The following RUNX3 variants were observed in gnomAD, a reference collection of about 807,000 sequenced individuals.
RUNX3 encodes the protein RUNX family transcription factor 3, also known as runt-related transcription factor 3.
A neutral mutation model predicts 27.7 loss-of-function variants in RUNX3; 10 were observed. That is an observed-to-expected ratio of 0.36 (90% CI 0.22 to 0.61). The LOEUF is 0.61. RUNX3 is among the 20% of genes least tolerant of loss of function. The pLI, the probability that RUNX3 is intolerant of heterozygous loss-of-function variation, is 0.72. For missense variants in RUNX3, 469 were observed against 629.5 expected (o/e 0.75, Z 2.73); for synonymous variants, 270 against 269.2 (o/e 1.00, Z -0.03).
chr1:24,929,529 A>G, intron 1 of RUNX3, 58 bp downstream of exon 1: 1 of 1,490,942 alleles, frequency 6.7e-7, no homozygotes, highest in Non-Finnish European at 9.1e-7. Context: ...TGGCTCCCGC[A>G]GCTCAGACGC....
chr1:24,922,999 A>G (rs1389357572), intron 2 of RUNX3, among the ~76,000 whole-genome samples: 1 of 152,108 alleles, frequency 6.6e-6, no homozygotes, highest in African/African-American at 2.4e-5. Context: ...TCCAGCCCCT[A>G]GGACGGCATC....
At chr1:24,909,076 G>C (rs1369328035) in intron 3 of RUNX3, among the ~76,000 whole-genome samples, 1 of 152,164 alleles carries the variant, frequency 6.6e-6, no homozygotes, top group Non-Finnish European at 1.5e-5. Flanking sequence ...AAGAATCCCA[G>C]CCTCACATCC....
rs1376062270 is a variant in RUNX3 at position 24,927,526 on chromosome 1, C to T, written c.439+48G>A. The T allele has an allele frequency of 1.9e-6, 3 of 1,596,252 alleles. No individual in the cohort carries two copies. The highest frequency in any genetic ancestry group is 2.2e-5 in the East Asian group (1 of 44,746). ...CCTCTTTCAACCTCCTTCCCTGCTG[C>T]CCCTGCCATTGCCAATGCTGAAATG... On this transcript the variant is annotated intron_variant, in intron 2 of 4. Coordinates refer to ENST00000308873, the MANE Select transcript of RUNX3 (RefSeq NM_004350.3). The surrounding 1 kb of genome is among the most constrained non-coding windows in gnomAD (Gnocchi z 5.0).
At chr1:24,910,126 TA>T (rs1163440783) in intron 3 of RUNX3, among the ~76,000 whole-genome samples, 2 of 151,978 alleles carry the variant, frequency 1.3e-5, no homozygotes, top group Non-Finnish European at 2.9e-5. Context: ...CCGTCTCTAC[TA>T]AAAGTACAAA....
chr1:24,925,108 C>T (rs1395735550), intron 2 of RUNX3, among the ~76,000 whole-genome samples: 1 of 152,176 alleles, frequency 6.6e-6, no homozygotes, highest in African/African-American at 2.4e-5. Flanking sequence ...TCCCAACCCC[C>T]AGTCTTAACT....
chr1:24,928,157 T>C (rs1641136282), intron 1 of RUNX3, among the ~76,000 whole-genome samples: 1 of 152,254 alleles, frequency 6.6e-6, no homozygotes, highest in Non-Finnish European at 1.5e-5. Flanking sequence ...ACAGGGCTGC[T>C]ACCCCCACTC....
chr1:24,950,759 C>T (rs977866192), intron 2 of RUNX3, among the ~76,000 whole-genome samples: 3 of 152,140 alleles, frequency 2.0e-5, no homozygotes, highest in East Asian at 3.9e-4. Context: ...GACGGGAATA[C>T]CAGGGCATAT....
At chr1:24,949,864 C>T (rs1641713979) in intron 2 of RUNX3, among the ~76,000 whole-genome samples, 2 of 152,232 alleles carry the variant, frequency 1.3e-5, no homozygotes, top group South Asian at 4.1e-4. Flanking sequence ...ATGGGGCCAC[C>T]CCAGGAGGGG....
At chr1:24,954,347 T>A (rs1440888724) in intron 2 of RUNX3, among the ~76,000 whole-genome samples, 1 of 152,234 alleles carries the variant, frequency 6.6e-6, no homozygotes, top group Non-Finnish European at 1.5e-5. Context: ...GGTTCTAAAA[T>A]CTTCAAGCTA....
At chr1:24,958,667 C>G (rs1642014348) in intron 2 of RUNX3, among the ~76,000 whole-genome samples, 1 of 152,202 alleles carries the variant, frequency 6.6e-6, no homozygotes, top group African/African-American at 2.4e-5. Flanking sequence ...GGCAATCTTT[C>G]TTCCCTCCAC....
At chr1:24,945,887 C>T (rs773470167) in intron 2 of RUNX3, among the ~76,000 whole-genome samples, 1 of 152,196 alleles carries the variant, frequency 6.6e-6, no homozygotes, top group Admixed American at 6.5e-5. Flanking sequence ...CCCTCCCCAC[C>T]ATGGCCCCTT....
At position 24,902,320 on chromosome 1, in the gene RUNX3, G is replaced by A; in HGVS notation, c.1050C>T (p.Ser350=). The A allele has an allele frequency of 1.2e-6, 2 of 1,609,168 alleles. No homozygotes were observed. Among genetic ancestry groups the A allele is most frequent in the Non-Finnish European group, 1.7e-6 (2 of 1,179,008 alleles). The stretch of plus-strand genomic sequence containing the variant: ...GGGTAGGTGAGCGGTCGCCCCCACT[G>A]CTGCTGCCGGCCACCATGGAGAACT... ...SYQFSMVAGS[S]SGGDRSPTRM... is the part of the protein sequence containing the mutation. Residue 350 remains serine, a synonymous_variant, in exon 5 of 5, where the codon AGC becomes AGT. Coordinates refer to ENST00000308873, the MANE Select transcript of RUNX3 (RefSeq NM_004350.3). The surrounding 1 kb of genome is among the most constrained non-coding windows in gnomAD (Gnocchi z 9.2).
intron 2 of RUNX3, among the ~76,000 whole-genome samples, chr1:24,940,261 C>A (rs1641445637): frequency 6.6e-6 from 1 of 152,152 alleles, no homozygotes; most frequent in African/African-American, 2.4e-5. Context: ...TTAGATGGGG[C>A]AGGGGCCGGA....
chr1:24,913,336 C>T (rs1252424570), intron 3 of RUNX3, among the ~76,000 whole-genome samples: 1 of 152,232 alleles, frequency 6.6e-6, no homozygotes, highest in African/African-American at 2.4e-5. Context: ...CCCAAGGGCC[C>T]AGTGGCCCCA....
At chr1:24,954,058 G>A (rs914396733) in intron 2 of RUNX3, among the ~76,000 whole-genome samples, 5 of 152,342 alleles carry the variant, frequency 3.3e-5, no homozygotes, top group Admixed American at 2.6e-4. Flanking sequence ...GATTACAGGC[G>A]GGAGCCGCCA....
chr1:24,948,122 C>A (rs1277607284), intron 2 of RUNX3, among the ~76,000 whole-genome samples: 1 of 152,224 alleles, frequency 6.6e-6, no homozygotes, highest in Non-Finnish European at 1.5e-5. Context: ...GAAGCATCCA[C>A]CCAGTGGACA....
intron 2 of RUNX3, among the ~76,000 whole-genome samples, chr1:24,946,104 T>A (rs977542034): frequency 2.0e-5 from 3 of 152,210 alleles, no homozygotes; most frequent in African/African-American, 4.8e-5. Context: ...AATGAACGAA[T>A]GCTGTTTGTT....
intron 1 of RUNX3, chr1:24,928,856 T>C (rs776066446): frequency 8.5e-6 from 3 of 355,028 alleles, no homozygotes; most frequent in Non-Finnish European, 1.1e-5. Flanking sequence ...CGGCCCTTCC[T>C]GCCCTGCCCT....
rs780086008 is a variant in RUNX3, at chr1:24,902,633, C to CG, written c.736dup (p.Arg246ProfsTer4). On this transcript the variant is annotated frameshift_variant, in exon 5 of 5. Transcript: ENST00000308873. LOFTEE classifies it high-confidence loss of function. The surrounding 1 kb of genome is among the most constrained non-coding windows in gnomAD (Gnocchi z 9.2). ...CGTGGGGAAGGAGCGGTCAAACTGG[C>CG]GGGGGTCGGAGAATGGGTTCAGTTC... 6.5e-7 allele frequency: 1 copy of CG among 1,527,898 alleles called. No homozygotes were observed. Among genetic ancestry groups the CG allele is most frequent in the Non-Finnish European group, 8.8e-7 (1 of 1,134,790 alleles). The allele number at this position is 1,527,898 out of a possible 1,614,324, so 94.6% of individuals were successfully genotyped here. A position where few individuals can be genotyped will look rare whatever the true frequency, so the allele number is the denominator to read the frequency against.
Sources: allele counts gnomAD v4.1 joint callset (sites outside exome capture counted in the v4.1 genomes callset), GRCh38; gene constraint gnomAD v4.1.1; non-coding constraint Gnocchi (gnomAD v3.1); transcripts MANE v1.5; gene names NCBI Gene and HGNC (gene_info 2026-07-23, HGNC 2026-07-21).